GALNT14: variants seen among roughly 807,000 people sequenced by gnomAD.
GALNT14 encodes the protein polypeptide N-acetylgalactosaminyltransferase 14, also known as UDP-GalNAc:polypeptide N-acetylgalactosaminyltransferase 14.
In GALNT14, 60 loss-of-function variants were observed where a neutral mutation model predicts 77.5. The observed-to-expected ratio is 0.77, with a 90% CI of 0.63 to 0.96. The LOEUF is 0.96. Among genes scored for constraint, GALNT14 ranks in the 40% least tolerant of loss-of-function variants. The pLI is 0.00. For synonymous variants in GALNT14, 280 were observed against 281.7 expected, an observed-to-expected ratio of 0.99 and a Z score of 0.06; for missense variants, 710 against 731.0, an observed-to-expected ratio of 0.97 and a Z score of 0.33.
rs1003440487 is a variant in GALNT14, at chr2:30,932,057, T to C, written c.1058+11A>G. The stretch of plus-strand genomic sequence containing the variant: ...CTGCTGCCCACCCGCGCTGAGCCCC[T>C]GGGCACTTACTTTATATACGTGTTG... On this transcript the variant is annotated intron_variant, in intron 10 of 14. Transcript: ENST00000349752. The C allele has an allele frequency of 2.0e-6, 3 of 1,520,298 alleles. No homozygotes were observed. Among genetic ancestry groups the C allele is most frequent in the Non-Finnish European group, 2.7e-6 (3 of 1,131,066 alleles). 94.2% of individuals were successfully genotyped at this position (1,520,298 alleles called of 1,614,324 possible). A position where few individuals can be genotyped will look rare whatever the true frequency, so the allele number is the denominator to read the frequency against.
chr2:31,127,219 A>G (rs1443227416), intron 1 of GALNT14, among the ~76,000 whole-genome samples: 2 of 152,198 alleles, frequency 1.3e-5, no homozygotes, highest in Non-Finnish European at 1.5e-5. Context: ...GTAACCATGA[A>G]CTGACTTACA....
intron 13 of GALNT14, among the ~76,000 whole-genome samples, chr2:30,922,416 AAG>A (rs1473823489): frequency 6.6e-6 from 1 of 152,206 alleles, no homozygotes; most frequent in Non-Finnish European, 1.5e-5. Flanking sequence ...TCAGCACAGG[AAG>A]AGAGACCAGG....
chr2:31,070,554 G>A (rs1011870223), intron 1 of GALNT14, among the ~76,000 whole-genome samples: 3 of 152,156 alleles, frequency 2.0e-5, no homozygotes, highest in Admixed American at 1.3e-4. Flanking sequence ...AAAAATGCTC[G>A]GCAGCAATTT....
chr2:31,087,512 G>A (rs1374452110), intron 1 of GALNT14, among the ~76,000 whole-genome samples: 1 of 151,988 alleles, frequency 6.6e-6, no homozygotes, highest in South Asian at 2.1e-4. Flanking sequence ...GAGGAGAAGA[G>A]AGGAGAGGAG....
At chr2:31,092,803 T>C (rs948644654) in intron 1 of GALNT14, among the ~76,000 whole-genome samples, 4 of 152,234 alleles carry the variant, frequency 2.6e-5, no homozygotes, top group Non-Finnish European at 4.4e-5. Flanking sequence ...AAGATGACCA[T>C]TGGGTCACTA....
chr2:30,992,383 AAC>A (rs1347980043), intron 2 of GALNT14, among the ~76,000 whole-genome samples: 2 of 152,250 alleles, frequency 1.3e-5, no homozygotes, highest in African/African-American at 4.8e-5. Flanking sequence ...TGAAATGTCC[AAC>A]GGCTGGCACT....
At chr2:31,064,457 C>T (rs1008916564) in intron 1 of GALNT14, among the ~76,000 whole-genome samples, 5 of 152,194 alleles carry the variant, frequency 3.3e-5, no homozygotes, top group African/African-American at 9.7e-5. Flanking sequence ...TCCCCGAAAA[C>T]CAAAGGAACT....
chr2:31,071,558 G>C lies in GALNT14; in HGVS notation c.129+66400C>G, dbSNP rs537935317. Among the ~76,000 whole-genome samples the C allele has an allele frequency of 3.3e-5, 5 of 152,194 alleles. No homozygotes were observed. The East Asian group carries it at 9.7e-4, about 30-fold the overall frequency. ...AGGGCTCCACACAGCCAGACCCAAA[G>C]TGGTGGAGGCACTGTGAGTTCTGTC... On this transcript the variant is annotated intron_variant, in intron 1 of 14. Transcript: ENST00000349752.
At chr2:30,954,564 T>C (rs538350811) in intron 6 of GALNT14, among the ~76,000 whole-genome samples, 9 of 152,196 alleles carry the variant, frequency 5.9e-5, no homozygotes, top group African/African-American at 9.7e-5. Flanking sequence ...TCTAGGCCCA[T>C]GTGACAGAAC....
rs527483984 is a variant in GALNT14 at position 30,973,405 on chromosome 2, G to A, written c.300-7103C>T. On this transcript the variant is annotated intron_variant, in intron 2 of 14. Coordinates refer to ENST00000349752, the MANE Select transcript of GALNT14 (RefSeq NM_024572.4). Reference sequence around the variant, plus strand: ...GAGCGGAGAAAAGCTCTTGGCCAATGACCTTTCCAGAACGTCAGTTATCTC... The same window carrying A: ...GAGCGGAGAAAAGCTCTTGGCCAATAACCTTTCCAGAACGTCAGTTATCTC... Among the ~76,000 whole-genome samples, 357 of 152,334 alleles carry A rather than the reference G, an allele frequency of 2.3e-3. 1 individual carries two copies. Among genetic ancestry groups the A allele is most frequent in the Middle Eastern group, 6.8e-3 (2 of 294 alleles).
intron 1 of GALNT14, among the ~76,000 whole-genome samples, chr2:31,049,327 C>T (rs142329156): frequency 7.2e-5 from 11 of 152,166 alleles, no homozygotes; most frequent in Admixed American, 5.9e-4. Flanking sequence ...CAAGACTACC[C>T]AGAAAGAAGA....
intron 2 of GALNT14, among the ~76,000 whole-genome samples, chr2:30,975,435 G>A (rs571754385): frequency 1.6e-4 from 24 of 152,208 alleles, no homozygotes; most frequent in Non-Finnish European, 2.5e-4. Flanking sequence ...GAGATATGCT[G>A]TAAATGTAAA....
chr2:30,936,933 A>G (rs17393257), intron 9 of GALNT14, among the ~76,000 whole-genome samples: 4,249 of 152,272 alleles, frequency 0.028, 91 homozygotes, highest in Non-Finnish European at 0.042. Flanking sequence ...ATGGGACTCA[A>G]TTACACGTAG....
At chr2:30,972,232 C>A (rs1668400324) in intron 2 of GALNT14, among the ~76,000 whole-genome samples, 2 of 152,326 alleles carry the variant, frequency 1.3e-5, no homozygotes, top group South Asian at 4.1e-4. Context: ...CTGGAATTGA[C>A]AATGGCTCCG....
chr2:31,060,635 T>C (rs1674532637), intron 1 of GALNT14, among the ~76,000 whole-genome samples: 1 of 152,230 alleles, frequency 6.6e-6, no homozygotes, highest in African/African-American at 2.4e-5. Context: ...TTTAATCGGC[T>C]AGCGGCTGTC....
intron 1 of GALNT14, among the ~76,000 whole-genome samples, chr2:31,041,862 A>T (rs1043143375): frequency 6.6e-6 from 1 of 152,224 alleles, no homozygotes; most frequent in South Asian, 2.1e-4. Context: ...ATGTGAGAAC[A>T]TTCACAGATG....
intron 2 of GALNT14, among the ~76,000 whole-genome samples, chr2:30,970,884 C>A (rs1668308563): frequency 6.6e-6 from 1 of 152,156 alleles, no homozygotes; most frequent in Admixed American, 6.5e-5. Flanking sequence ...CTCACAACCG[C>A]CCCCACTCCA....
At chr2:30,977,347 T>A (rs899117604) in intron 2 of GALNT14, among the ~76,000 whole-genome samples, 5 of 152,166 alleles carry the variant, frequency 3.3e-5, no homozygotes, top group African/African-American at 1.2e-4. Flanking sequence ...CACCAGGTCC[T>A]CCCAAAGTGC....
intron 1 of GALNT14, among the ~76,000 whole-genome samples, chr2:31,116,724 T>C (rs2148631821): frequency 6.6e-6 from 1 of 152,278 alleles, no homozygotes; most frequent in African/African-American, 2.4e-5. Context: ...AATACATATA[T>C]ATAGAGAGAA....
Sources: gnomAD v4.1 joint callset for allele counts (sites outside exome capture counted in the v4.1 genomes callset) on GRCh38, gnomAD v4.1.1 for gene constraint, MANE v1.5 for transcripts, NCBI Gene and HGNC (gene_info 2026-07-23, HGNC 2026-07-21) for gene names.